TENM3: variants seen among roughly 807,000 people sequenced by gnomAD.
TENM3 encodes teneurin-3.
TENM3 carries 63 observed loss-of-function variants against 255.1 expected under a neutral mutation model. That is an observed-to-expected ratio of 0.25 (90% confidence interval 0.20 to 0.30). The LOEUF is 0.30. TENM3 is among the 10% of genes least tolerant of loss of function. The pLI is 1.00. For synonymous variants in TENM3, 1,306 were observed against 1,322.3 expected (o/e 0.99, Z 0.27); for missense variants, 2,929 against 3,461.1 (o/e 0.85, Z 3.86).
intron 1 of TENM3, among the ~76,000 whole-genome samples, chr4:182,195,396 T>C (rs1050876531): frequency 4.6e-5 from 7 of 152,096 alleles, no homozygotes; most frequent in African/African-American, 2.4e-5. Flanking sequence ...CCGAGCACTT[T>C]GGGAGGCCAA....
chr4:182,757,296 A>C (rs1323378283), intron 22 of TENM3, among the ~76,000 whole-genome samples: 1 of 122,260 alleles, frequency 8.2e-6, no homozygotes, highest in Admixed American at 1.1e-4. Flanking sequence ...TGGGTGACAG[A>C]GTGAGACTCC....
In TENM3 at chr4:182,799,572, C is replaced by A. The variant is rs758064789; in HGVS notation, c.7345-24C>A. 1.6e-5 allele frequency: 25 copies of A among 1,530,772 alleles called. No individual in the cohort carries two copies. The highest frequency in any genetic ancestry group is 2.2e-5 in the Non-Finnish European group (25 of 1,145,048). 94.8% of individuals were successfully genotyped at this position (1,530,772 alleles called of 1,614,324 possible). On this transcript the variant is annotated intron_variant, in intron 27 of 27. Coordinates refer to ENST00000511685, the MANE Select transcript of TENM3 (RefSeq NM_001080477.4). The surrounding 1 kb of genome is among the most constrained non-coding windows in gnomAD (Gnocchi z 4.2). The stretch of plus-strand genomic sequence containing the variant: ...GAGGCTCCCGGCCGCCTCTGACGCG[C>A]CCCCTCTTTTGTTTCGCCCGCAGCC...
At chr4:181,828,141 T>A in the TENM3 span, among the ~76,000 whole-genome samples, 2 of 152,188 alleles carry the variant, frequency 1.3e-5, no homozygotes, top group African/African-American at 2.4e-5. Flanking sequence ...AGTATCCTGA[T>A]GAATGCCCTG....
Position 182,349,453 on chromosome 4 carries a change from T to A in TENM3, c.511+2524T>A, listed in dbSNP as rs550112080. Among the ~76,000 whole-genome samples, 517 of 152,332 alleles carry A rather than the reference T, an allele frequency of 3.4e-3. 6 individuals carry two copies. Among genetic ancestry groups the A allele is most frequent in the Non-Finnish European group, 2.9e-3 (199 of 68,022 alleles). ...TAATGTAATTAATTACATTAAGATATAGGGAAGCATAATTTTCTGAAGTAT... is the reference window on the plus strand; with the variant it reads ...TAATGTAATTAATTACATTAAGATAAAGGGAAGCATAATTTTCTGAAGTAT... On this transcript the variant is annotated intron_variant, in intron 3 of 27. Coordinates refer to ENST00000511685, the MANE Select transcript of TENM3 (RefSeq NM_001080477.4).
At chr4:182,192,734 TG>T (rs1196620938) in intron 1 of TENM3, among the ~76,000 whole-genome samples, 4 of 152,148 alleles carry the variant, frequency 2.6e-5, no homozygotes, top group Admixed American at 6.5e-5. Context: ...AAGATAAGTG[TG>T]GGGGATGCAA....
At position 182,731,108 on chromosome 4, in the gene TENM3, C is replaced by G. The variant is rs1332599574; in HGVS notation, c.2936C>G (p.Pro979Arg). The change falls in exon 16 of 28, where the codon CCT becomes CGT. Residue 979 changes from proline to arginine, a missense_variant. This residue lies in a region of TENM3 where 1,608 missense variants were observed against 1,884.4 expected (regional missense o/e 0.85). Transcript: ENST00000511685. The part of the protein sequence containing the change: ...SPLSTFFRSS[P>R]EDSPIIPETQ... ...TTATCCACCTTTTTCAGATCTTCTC[C>G]TGAAGACAGTCCCATCATTCCCGAA... 6.2e-7 allele frequency: 1 copy of G among 1,613,762 alleles called. No homozygotes were observed. Among genetic ancestry groups the G allele is most frequent in the Non-Finnish European group, 8.5e-7 (1 of 1,179,864 alleles).
chr4:182,267,546 T>A (rs1480444800), intron 1 of TENM3, among the ~76,000 whole-genome samples: 1 of 152,082 alleles, frequency 6.6e-6, no homozygotes, highest in Non-Finnish European at 1.5e-5. Flanking sequence ...AGTAAAAAAA[T>A]GTCACTTTCT....
At chr4:182,321,352 G>A (rs148502800) in intron 1 of TENM3, among the ~76,000 whole-genome samples, 1,710 of 152,234 alleles carry the variant, frequency 0.011, 35 homozygotes, top group African/African-American at 0.039. Flanking sequence ...GGGGCCGGGC[G>A]CGGTGGCTCA....
chr4:182,571,364 A>T (rs1744343778), intron 3 of TENM3, among the ~76,000 whole-genome samples: 1 of 152,098 alleles, frequency 6.6e-6, no homozygotes, highest in Non-Finnish European at 1.5e-5. Context: ...TGTCTTTTCA[A>T]AAAAAACAAA....
At chr4:182,680,791 TTGTATC>T (rs1756111565) in intron 10 of TENM3, 54 bp downstream of exon 10, 1 of 1,341,854 alleles carries the variant, frequency 7.5e-7, no homozygotes, top group Admixed American at 3.3e-5. Context: ...AAGAAACAGA[TTGTATC>T]TGTAATCTTT....
chr4:181,580,928 G>A, the TENM3 span, among the ~76,000 whole-genome samples: 1 of 152,180 alleles, frequency 6.6e-6, no homozygotes, highest in South Asian at 2.1e-4. Context: ...TGTATGTGTG[G>A]TTTGGTTGCA....
At chr4:182,783,280 G>T (rs1033488014) in intron 24 of TENM3, among the ~76,000 whole-genome samples, 1 of 151,924 alleles carries the variant, frequency 6.6e-6, no homozygotes, top group Non-Finnish European at 1.5e-5. Flanking sequence ...GCATTTGCTT[G>T]TCTGCAAAGT....
At chr4:181,617,919 G>C in the TENM3 span, among the ~76,000 whole-genome samples, 1 of 152,172 alleles carries the variant, frequency 6.6e-6, no homozygotes, top group African/African-American at 2.4e-5. Flanking sequence ...AGGATTGCAT[G>C]TTTCTGCAAA....
the TENM3 span, among the ~76,000 whole-genome samples, chr4:182,030,661 G>A: frequency 3.9e-5 from 6 of 152,148 alleles, no homozygotes; most frequent in Non-Finnish European, 5.9e-5. Flanking sequence ...TAGCCACACT[G>A]TCTTCCACAA....
chr4:181,753,838 C>G, the TENM3 span, among the ~76,000 whole-genome samples: 157 of 152,122 alleles, frequency 1.0e-3, no homozygotes, highest in Admixed American at 1.4e-3. Flanking sequence ...CATGTCATAC[C>G]CACACATTGT....
Position 182,561,345 on chromosome 4 carries a change from G to A in TENM3, c.512-39579G>A, listed in dbSNP as rs148932368. Among the ~76,000 whole-genome samples the A allele has an allele frequency of 2.0e-3, 299 of 150,846 alleles. 2 individuals are homozygous for A. The East Asian group carries it at 0.041, about 20-fold the overall frequency. On this transcript the variant is annotated intron_variant, in intron 3 of 27. Transcript: ENST00000511685. Reference sequence around the variant, plus strand: ...TCTTTACAATTTTTAAAATCCCTCCGAATATAGAATAGCATAGGAAAATGC... The same window carrying A: ...TCTTTACAATTTTTAAAATCCCTCCAAATATAGAATAGCATAGGAAAATGC...
chr4:182,655,758 AAAC>A (rs1332826439), intron 6 of TENM3, among the ~76,000 whole-genome samples: 2 of 152,188 alleles, frequency 1.3e-5, no homozygotes, highest in African/African-American at 4.8e-5. Context: ...GAGTCCTTGA[AAAC>A]AGTGGCTTTT....
rs1461774195 is a variant in TENM3, at chr4:182,801,841, C to G, written c.*1490C>G. The G allele has an allele frequency of 6.6e-6, 1 of 152,344 alleles. No homozygotes were observed. 9.4% of individuals were successfully genotyped at this position (152,344 alleles called of 1,614,324 possible). A position where few individuals can be genotyped will look rare whatever the true frequency, so the allele number is the denominator to read the frequency against. On this transcript the variant is annotated 3_prime_UTR_variant, in exon 28 of 28. Transcript: ENST00000511685. The stretch of plus-strand genomic sequence containing the variant: ...GCGCCCTCCTGCACACATGCATGCA[C>G]GCGTGTGGGAACGAGCCCAGCCGCC...
the TENM3 span, among the ~76,000 whole-genome samples, chr4:181,670,277 T>C: frequency 6.6e-6 from 1 of 152,172 alleles, no homozygotes; most frequent in East Asian, 1.9e-4. Flanking sequence ...AAAGGGTCCG[T>C]CCCTTAGTCC....
Sources: allele counts gnomAD v4.1 joint callset (sites outside exome capture counted in the v4.1 genomes callset), GRCh38; gene constraint gnomAD v4.1.1; regional missense constraint gnomAD v4.1.1; non-coding constraint Gnocchi (gnomAD v3.1); transcripts MANE v1.5; gene names NCBI Gene and HGNC (gene_info 2026-07-23, HGNC 2026-07-21).